The following LNX1 variants were observed in gnomAD, a reference collection of about 807,000 sequenced individuals.
LNX1 encodes E3 ubiquitin-protein ligase LNX.
LNX1 carries 54 observed loss-of-function variants against 68.4 expected under a neutral mutation model. The ratio of observed to expected loss-of-function variants is 0.79; its 90% CI spans 0.63 to 0.99. LNX1 has a LOEUF of 0.99. Ranked by LOEUF, LNX1 falls within the 50% of genes least tolerant of loss-of-function variation. LNX1 has a pLI of 0.00. For missense variants in LNX1, 906 were observed against 926.4 expected (o/e 0.98, Z 0.29); for synonymous variants, 336 against 350.0 (o/e 0.96, Z 0.45).
At chr4:53,563,911 G>C (rs1197581470) in intron 2 of LNX1, among the ~76,000 whole-genome samples, 1 of 152,186 alleles carries the variant, frequency 6.6e-6, no homozygotes, top group Non-Finnish European at 1.5e-5. Context: ...TCAGGCATAT[G>C]GTGACTAATA....
At chr4:53,522,612 T>A (rs1459955677) in intron 2 of LNX1, among the ~76,000 whole-genome samples, 2 of 152,230 alleles carry the variant, frequency 1.3e-5, no homozygotes, top group South Asian at 4.1e-4. Flanking sequence ...TATCCTCCAC[T>A]GTACATACAG....
At chr4:53,477,041 A>G in intron 8 of LNX1, 60 bp from the exon 9 acceptor site, 1 of 1,411,220 alleles carries the variant, frequency 7.1e-7, no homozygotes, top group South Asian at 1.1e-5. Flanking sequence ...ACTTCTGCTT[A>G]AAGTGCAAGG....
Position 53,596,589 on chromosome 4 carries a change from A to AT in LNX1, c.-214-5075dup, listed in dbSNP as rs1029224702. ...AAACAGGGTGGATTATTCCCAGGGA[A>AT]TTTTTTGGTGGTGGCTGTTGCTATT... On this transcript the variant is annotated intron_variant, in intron 2 of 3. Coordinates refer to the LNX1 transcript ENST00000504299. 2.4e-4 allele frequency among the ~76,000 whole-genome samples: 37 copies of AT among 152,232 alleles called. 2 individuals are homozygous for AT. Among genetic ancestry groups the AT allele is most frequent in the Admixed American group, 1.8e-3 (28 of 15,290 alleles).
intron 6 of LNX1, among the ~76,000 whole-genome samples, chr4:53,491,378 T>C (rs955906347): frequency 2.6e-5 from 4 of 152,198 alleles, no homozygotes; most frequent in African/African-American, 9.6e-5. Flanking sequence ...GCATATTTTC[T>C]CTTCTCATTG....
Position 53,611,655 on chromosome 4 carries a change from C to T in LNX1, c.-215+4862G>A, listed in dbSNP as rs574189586. Among the ~76,000 whole-genome samples, 291 of 152,128 alleles carry T rather than the reference C, an allele frequency of 1.9e-3. 1 individual carries two copies. The highest frequency in any genetic ancestry group is 3.6e-3 in the Non-Finnish European group (246 of 67,960). On this transcript the variant is annotated intron_variant, in intron 2 of 3. Transcript: ENST00000504299. Reference sequence around the variant, plus strand: ...ATTGTGGTTTTTACCACTAAAATTGCAAAACTGCAATTACTTTTGCACCAA... The same window carrying T: ...ATTGTGGTTTTTACCACTAAAATTGTAAAACTGCAATTACTTTTGCACCAA...
intron 4 of LNX1, among the ~76,000 whole-genome samples, chr4:53,502,729 TAG>T (rs1345518232): frequency 6.6e-6 from 1 of 152,252 alleles, no homozygotes; most frequent in African/African-American, 2.4e-5. Flanking sequence ...CTTTCAAAAT[TAG>T]AGTCAATCCT....
At chr4:53,564,734 G>C (rs778257072) in intron 2 of LNX1, among the ~76,000 whole-genome samples, 4 of 152,152 alleles carry the variant, frequency 2.6e-5, no homozygotes, top group Middle Eastern at 3.4e-3. Context: ...CTGAGGTACC[G>C]GGTTCATCTC....
chr4:53,468,934 C>G (rs57287210), intron 9 of LNX1, among the ~76,000 whole-genome samples: 16,777 of 152,022 alleles, frequency 0.11, 1,070 homozygotes, highest in East Asian at 0.16. Context: ...AGATCAACGA[C>G]ACAGAAAGTT....
intron 1 of LNX1, among the ~76,000 whole-genome samples, chr4:53,584,407 C>G (rs908041931): frequency 6.6e-6 from 1 of 152,102 alleles, no homozygotes; most frequent in African/African-American, 2.4e-5. Flanking sequence ...TGTAAAAACA[C>G]TGCAAGAGAA....
At chr4:53,518,654 G>A (rs1726971024) in intron 2 of LNX1, among the ~76,000 whole-genome samples, 1 of 152,152 alleles carries the variant, frequency 6.6e-6, no homozygotes. Flanking sequence ...TTAAGGCACA[G>A]AAAGATTAAG....
intron 2 of LNX1, among the ~76,000 whole-genome samples, chr4:53,573,378 T>A (rs1185236988): frequency 6.6e-6 from 1 of 152,212 alleles, no homozygotes; most frequent in Non-Finnish European, 1.5e-5. Context: ...TCATAGTGGT[T>A]AAAAATGGTA....
intron 1 of LNX1, among the ~76,000 whole-genome samples, chr4:53,590,507 C>T (rs868189416): frequency 6.0e-5 from 3 of 49,590 alleles, no homozygotes; most frequent in South Asian, 7.8e-4. Context: ...GACTATTGGG[C>T]TGTCAAGATA....
chr4:53,644,866 T>A (rs569155340), intron 1 of LNX1, among the ~76,000 whole-genome samples: 1 of 152,268 alleles, frequency 6.6e-6, no homozygotes, highest in East Asian at 1.9e-4. Flanking sequence ...AAGGGAGAGA[T>A]GTGGTAACAG....
intron 6 of LNX1, among the ~76,000 whole-genome samples, chr4:53,485,107 T>C (rs2412489): frequency 0.67 from 101,845 of 152,138 alleles, 36,650 homozygotes; most frequent in Non-Finnish European, 0.81. Context: ...GAGTATTTTG[T>C]AATAGCTGTG....
At chr4:53,464,207 T>C (rs1331818684) in intron 9 of LNX1, among the ~76,000 whole-genome samples, 1 of 152,084 alleles carries the variant, frequency 6.6e-6, no homozygotes, top group East Asian at 1.9e-4. Context: ...AAGTTTAACT[T>C]CCTGGCCCCA....
At chr4:53,552,530 T>C (rs1408872276) in intron 2 of LNX1, among the ~76,000 whole-genome samples, 1 of 152,164 alleles carries the variant, frequency 6.6e-6, no homozygotes, top group Admixed American at 6.5e-5. Context: ...TGGATTTTTG[T>C]TAAACTTAAA....
intron 1 of LNX1, among the ~76,000 whole-genome samples, chr4:53,651,448 T>C (rs1319404717): frequency 3.3e-5 from 5 of 152,228 alleles, no homozygotes; most frequent in African/African-American, 1.2e-4. Context: ...CAGGAATACA[T>C]GACAAGGTGG....
At chr4:53,471,934 C>G (rs1723218869) in intron 9 of LNX1, among the ~76,000 whole-genome samples, 1 of 152,178 alleles carries the variant, frequency 6.6e-6, no homozygotes, top group Non-Finnish European at 1.5e-5. Flanking sequence ...TGTGGCGATT[C>G]CTCAGGGATC....
intron 2 of LNX1, among the ~76,000 whole-genome samples, chr4:53,566,834 G>A (rs1317470966): frequency 4.0e-5 from 6 of 150,068 alleles, no homozygotes; most frequent in African/African-American, 7.3e-5. Flanking sequence ...ACAAAAAAAG[G>A]CAGGGGTTGC....
Sources: allele counts gnomAD v4.1 joint callset (sites outside exome capture counted in the v4.1 genomes callset), GRCh38; gene constraint gnomAD v4.1.1; transcripts MANE v1.5; gene names NCBI Gene and HGNC (gene_info 2026-07-23, HGNC 2026-07-21).